RBM27: variants seen among roughly 807,000 people sequenced by gnomAD.
RBM27 encodes RNA binding motif protein 27, also known as RNA-binding protein 27.
Under a neutral mutation model 135.3 loss-of-function variants are expected in RBM27, and 22 were observed. That is an observed-to-expected ratio of 0.16 (90% CI 0.12 to 0.23). RBM27 has a LOEUF of 0.23. Among genes scored for constraint, RBM27 ranks in the 10% least tolerant of loss-of-function variants. RBM27 has a pLI of 1.00. For synonymous variants in RBM27, 481 were observed against 442.4 expected, an observed-to-expected ratio of 1.09 and a Z score of -1.10; for missense variants, 1,009 against 1,281.0, an observed-to-expected ratio of 0.79 and a Z score of 3.24.
intron 11 of RBM27, 115 bp downstream of exon 11, chr5:146,258,708 T>A: frequency 6.5e-6 from 6 of 927,326 alleles, no homozygotes; most frequent in Non-Finnish European, 8.9e-6. Context: ...ATCTTGAAGT[T>A]AGGGTTCCAG....
intron 8 of RBM27, among the ~76,000 whole-genome samples, chr5:146,250,645 G>T (rs535828725): frequency 2.3e-4 from 35 of 151,396 alleles, no homozygotes; most frequent in East Asian, 5.8e-4. Context: ...CATTGTGTGT[G>T]CATTCTTGCA....
chr5:146,266,400 T>C (rs890666622), intron 14 of RBM27, among the ~76,000 whole-genome samples: 5 of 152,192 alleles, frequency 3.3e-5, no homozygotes, highest in African/African-American at 1.2e-4. Flanking sequence ...ACATGGACTT[T>C]AATAGATCCC....
At chr5:146,255,205 ATAT>A (rs1395094839) in intron 10 of RBM27, 113 bp downstream of exon 10, 1 of 886,198 alleles carries the variant, frequency 1.1e-6, no homozygotes, top group Non-Finnish European at 1.6e-6. Flanking sequence ...AATTACTTAT[ATAT>A]TATCTCTTTG....
chr5:146,229,463 G>A (rs1285005617), intron 4 of RBM27, among the ~76,000 whole-genome samples: 1 of 151,290 alleles, frequency 6.6e-6, no homozygotes, highest in Non-Finnish European at 1.5e-5. Context: ...CAAATTTTCT[G>A]TTTTCCCCTG....
chr5:146,242,165 G>T (rs553754703), intron 8 of RBM27, among the ~76,000 whole-genome samples: 3 of 152,192 alleles, frequency 2.0e-5, no homozygotes, highest in South Asian at 2.1e-4. Context: ...CCCAGGCTGG[G>T]TGCTCAAGCA....
rs761198304 is a variant in RBM27, at chr5:146,271,513, C to G, written c.2827C>G (p.Arg943Gly). 1.9e-6 allele frequency: 3 copies of G among 1,612,814 alleles called. No homozygotes were observed. The highest frequency in any genetic ancestry group is 1.7e-6 in the Non-Finnish European group (2 of 1,179,478). ...AARLGILPVG[R>G]GKTMSSQGRG... ...ACGGTTAGGTATTTTACCTGTGGGT[C>G]GAGGAAAGACCATGTCCTCTCAAGG... The change falls in exon 19 of 21, where the codon CGA becomes GGA. Residue 943 changes from arginine (R) to glycine (G), a missense_variant. By Grantham distance (125) the Arg-to-Gly change is moderately radical (BLOSUM62 -2). Around this residue, in one of 6 missense-constraint regions of RBM27, gnomAD observed 355 missense variants for 427.3 expected, o/e 0.83. Transcript: ENST00000265271.
chr5:146,246,742 A>G (rs542103349), intron 8 of RBM27, among the ~76,000 whole-genome samples: 32 of 152,354 alleles, frequency 2.1e-4, no homozygotes, highest in Admixed American at 1.4e-3. Flanking sequence ...CAACATACAT[A>G]AAAGTAGACT....
rs901305698 is a variant in RBM27 at position 146,263,398 on chromosome 5, A to C, written c.2191-93A>C. On this transcript the variant is annotated intron_variant, in intron 13 of 20. Coordinates refer to ENST00000265271, the MANE Select transcript of RBM27 (RefSeq NM_018989.2). ...AGCACCTTCCCGTTCCCATTTTCTT[A>C]TCTTCTTCCCTAGAGTAATCATCTT... is the stretch of plus-strand genomic sequence containing the variant. 7.0e-6 allele frequency: 9 copies of C among 1,287,298 alleles called. No homozygotes were observed. In the African/African-American group the frequency reaches 1.4e-4, roughly 19 times the overall value. The allele number at this position is 1,287,298 out of a possible 1,614,324, so 79.7% of individuals were successfully genotyped here. A position where few individuals can be genotyped will look rare whatever the true frequency, so the allele number is the denominator to read the frequency against.
At chr5:146,239,098 T>G (rs1315736806) in intron 8 of RBM27, among the ~76,000 whole-genome samples, 3 of 152,232 alleles carry the variant, frequency 2.0e-5, no homozygotes, top group African/African-American at 7.2e-5. Context: ...ATCCCTGTTT[T>G]TGTCAATGGA....
intron 19 of RBM27, among the ~76,000 whole-genome samples, chr5:146,277,482 T>C (rs1245389687): frequency 6.6e-6 from 1 of 152,010 alleles, no homozygotes; most frequent in Non-Finnish European, 1.5e-5. Flanking sequence ...CAATGTTATA[T>C]ACATCATGTT....
At chr5:146,205,431 G>A (rs369087587) in intron 1 of RBM27, among the ~76,000 whole-genome samples, 4 of 152,150 alleles carry the variant, frequency 2.6e-5, no homozygotes, top group South Asian at 2.1e-4. Context: ...AGTGTTTTTC[G>A]GAGGTGAAAA....
At chr5:146,269,100 A>AT (rs1758750621) in intron 15 of RBM27, 107 bp from the exon 16 acceptor site, 2 of 670,254 alleles carry the variant, frequency 3.0e-6, no homozygotes, top group Admixed American at 2.9e-5. Flanking sequence ...GGTGTCAGCT[A>AT]TTTTTTTATT....
chr5:146,274,450 G>T (rs539841621), intron 19 of RBM27, among the ~76,000 whole-genome samples: 2 of 152,050 alleles, frequency 1.3e-5, no homozygotes, highest in South Asian at 4.1e-4. Flanking sequence ...ACTAGAGATG[G>T]GGTTTTGCCA....
chr5:146,251,671 ACT>A (rs1171335986), intron 8 of RBM27, 38 bp from the exon 9 acceptor site: 5 of 1,533,736 alleles, frequency 3.3e-6, no homozygotes, highest in African/African-American at 1.4e-5. Flanking sequence ...GAAGCTTGTG[ACT>A]CTCATTCCCA....
At position 146,286,061 on chromosome 5, in the gene RBM27, A is replaced by G. The variant is rs768138110; in HGVS notation, c.*31A>G. 5.1e-6 allele frequency: 8 copies of G among 1,554,164 alleles called. No individual in the cohort carries two copies. Among genetic ancestry groups the G allele is most frequent in the Non-Finnish European group, 7.0e-6 (8 of 1,147,966 alleles). ...GATGCTAGCTGTATAATTTTTAGGA[A>G]TATTGTTTAGAAGAACAACTTTTAA... On this transcript the variant is annotated 3_prime_UTR_variant, in exon 21 of 21. Transcript: ENST00000265271.
At chr5:146,258,969 C>CTTG (rs1481141500) in intron 11 of RBM27, among the ~76,000 whole-genome samples, 5 of 151,920 alleles carry the variant, frequency 3.3e-5, no homozygotes, top group African/African-American at 1.2e-4. Context: ...CCTTGTTAGT[C>CTTG]AGGCTGGTCT....
intron 8 of RBM27, among the ~76,000 whole-genome samples, chr5:146,249,973 A>G (rs1757811988): frequency 6.6e-6 from 1 of 152,182 alleles, no homozygotes. Context: ...ACAGTTATAC[A>G]GTATGATTTG....
chr5:146,261,832 G>C (rs757939292), intron 13 of RBM27, 26 bp downstream of exon 13: 1 of 1,612,412 alleles, frequency 6.2e-7, no homozygotes, highest in African/African-American at 1.3e-5. Flanking sequence ...GGGAATTAAA[G>C]GTCTTTTAGT....
At chr5:146,265,498 G>A (rs948317168) in intron 14 of RBM27, among the ~76,000 whole-genome samples, 3 of 152,138 alleles carry the variant, frequency 2.0e-5, no homozygotes, top group African/African-American at 4.8e-5. Context: ...TTTTGATTAC[G>A]TCTTGTTTTG....
Sources: gnomAD v4.1 joint callset for allele counts (sites outside exome capture counted in the v4.1 genomes callset) on GRCh38, gnomAD v4.1.1 for gene constraint, gnomAD v4.1.1 regional missense constraint, MANE v1.5 for transcripts, NCBI Gene and HGNC (gene_info 2026-07-23, HGNC 2026-07-21) for gene names.